LAG3: variants seen among roughly 807,000 people sequenced by gnomAD.
LAG3 encodes lymphocyte activation gene 3 protein.
A neutral mutation model predicts 49.0 loss-of-function variants in LAG3; 29 were observed. The observed-to-expected ratio is 0.59, with a 90% CI of 0.44 to 0.81. LAG3 has a LOEUF of 0.81. Ranked by LOEUF, LAG3 falls within the 30% of genes least tolerant of loss-of-function variation. LAG3 has a pLI of 0.00. For synonymous variants in LAG3, 320 were observed against 297.3 expected, an observed-to-expected ratio of 1.08 and a Z score of -0.79; for missense variants, 693 against 695.2, an observed-to-expected ratio of 1.00 and a Z score of 0.04.
intron 5 of LAG3, among the ~76,000 whole-genome samples, chr12:6,777,022 A>G (rs1028278703): frequency 6.6e-6 from 1 of 152,180 alleles, no homozygotes; most frequent in African/African-American, 2.4e-5. Flanking sequence ...CGAGAGGAGC[A>G]CTTGAGTCCA....
chr12:6,774,066 C>T, intron 3 of LAG3, 65 bp downstream of exon 3: 1 of 1,368,976 alleles, frequency 7.3e-7, no homozygotes, highest in South Asian at 1.7e-5. Flanking sequence ...CCTCCCGGGA[C>T]GCAGGAAGGG....
Position 6,777,405 on chromosome 12 carries a change from C to A in LAG3, c.1199C>A (p.Ala400Glu). 2 of 1,614,216 alleles carry A rather than the reference C, an allele frequency of 1.2e-6. No individual in the cohort carries two copies. Among genetic ancestry groups the A allele is most frequent in the Non-Finnish European group, 1.7e-6 (2 of 1,180,034 alleles). Residue 400 changes from alanine (A) to glutamate (E), a missense_variant, in exon 6 of 8, where the codon GCA becomes GAA. Transcript: ENST00000203629. Reference protein sequence around the residue: ...QRSFSGPWLEAQEAQLLSQPW... With the variant: ...QRSFSGPWLEEQEAQLLSQPW... ...AGTTTCTCAGGACCTTGGCTGGAGG[C>A]ACAGGAGGCCCAGCTCCTTTCCCAG...
At chr12:6,775,196 C>A in intron 4 of LAG3, 77 bp from the exon 5 acceptor site, 2 of 1,460,004 alleles carry the variant, frequency 1.4e-6, no homozygotes, top group Admixed American at 1.9e-5. Context: ...ATTCTTCTGC[C>A]TCCCTTCCTT....
chr12:6,776,913 G>C (rs930687206), intron 5 of LAG3, among the ~76,000 whole-genome samples: 1 of 152,192 alleles, frequency 6.6e-6, no homozygotes, highest in African/African-American at 2.4e-5. Flanking sequence ...GTTTTGAGCA[G>C]GGGAGGGAGC....
In LAG3 at chr12:6,773,807, C is replaced by T. The variant is rs1240278085; in HGVS notation, c.317C>T (p.Pro106Leu). The T allele has an allele frequency of 1.4e-6, 2 of 1,399,548 alleles. No individual in the cohort carries two copies. Among genetic ancestry groups the T allele is most frequent in the Non-Finnish European group, 9.2e-7 (1 of 1,082,506 alleles). 86.7% of individuals were successfully genotyped at this position (1,399,548 alleles called of 1,614,324 possible). A position where few individuals can be genotyped will look rare whatever the true frequency, so the allele number is the denominator to read the frequency against. The change falls in exon 3 of 8, where the codon CCC becomes CTC. Residue 106 changes from proline to leucine, a missense_variant. Coordinates refer to ENST00000203629, the MANE Select transcript of LAG3 (RefSeq NM_002286.6). The surrounding 1 kb of genome is among the most constrained non-coding windows in gnomAD (Gnocchi z 5.5). ...PRRYTVLSVGPGGLRSGRLPL... is the reference protein window; with the variant it reads ...PRRYTVLSVGLGGLRSGRLPL... ...CGCTACACGGTGCTGAGCGTGGGTCCCGGAGGCCTGCGCAGCGGGAGGCTG... is the reference window on the plus strand; with the variant it reads ...CGCTACACGGTGCTGAGCGTGGGTCTCGGAGGCCTGCGCAGCGGGAGGCTG...
intron 5 of LAG3, 178 bp downstream of exon 5, chr12:6,775,726 A>C: frequency 1.6e-6 from 1 of 616,026 alleles, no homozygotes; most frequent in Non-Finnish European, 2.8e-6. Context: ...AAGAAACGAA[A>C]CTGAAAATCT....
Position 6,774,672 on chromosome 12 carries a change from C to T in LAG3, c.589C>T (p.Pro197Ser), listed in dbSNP as rs762771664. The T allele has an allele frequency of 2.5e-6, 4 of 1,614,206 alleles. No homozygotes were observed. The highest frequency in any genetic ancestry group is 1.1e-5 in the South Asian group (1 of 91,086). ...CTGCTCCTTCAGCCGCCCTGACCGC[C>T]CAGCCTCTGTGCATTGGTTCCGGAA... ...LNCSFSRPDR[P>S]ASVHWFRNRG... The change falls in exon 4 of 8, where the codon CCA becomes TCA. Residue 197 changes from proline to serine, a missense_variant. Pro to Ser is a moderately conservative substitution (Grantham distance 74). Transcript: ENST00000203629.
rs778605598 is a variant in LAG3 at position 6,773,280 on chromosome 12, C to T, written c.147C>T (p.Pro49=). 6.2e-7 allele frequency: 1 copy of T among 1,613,822 alleles called. No individual in the cohort carries two copies. The highest frequency in any genetic ancestry group is 1.3e-5 in the African/African-American group (1 of 74,926). Residue 49 remains proline, a synonymous_variant, in exon 2 of 8, where the codon CCC becomes CCT. Transcript: ENST00000203629. The surrounding 1 kb of genome is among the most constrained non-coding windows in gnomAD (Gnocchi z 5.5). The part of the protein sequence containing the change: ...PAQLPCSPTI[P]LQDLSLLRRA... ...AGCTCCCCTGCAGCCCCACAATCCC[C>T]CTCCAGGATCTCAGCCTTCTGCGAA...
In LAG3 at chr12:6,773,085, A is replaced by G; in HGVS notation, c.59-107A>G. 1.4e-6 allele frequency: 2 copies of G among 1,448,194 alleles called. No homozygotes were observed. The highest frequency in any genetic ancestry group is 1.3e-5 in the South Asian group (1 of 76,840). The allele number at this position is 1,448,194 out of a possible 1,614,324, so 89.7% of individuals were successfully genotyped here. A position where few individuals can be genotyped will look rare whatever the true frequency, so the allele number is the denominator to read the frequency against. ...TGGGCAGAGAAGAAACAGAAACCCAAGTTCTTCCTGCACCCTGTTTCTCCC... is the reference window on the plus strand; with the variant it reads ...TGGGCAGAGAAGAAACAGAAACCCAGGTTCTTCCTGCACCCTGTTTCTCCC... On this transcript the variant is annotated intron_variant, in intron 1 of 7. Coordinates refer to ENST00000203629, the MANE Select transcript of LAG3 (RefSeq NM_002286.6). The surrounding 1 kb of genome is among the most constrained non-coding windows in gnomAD (Gnocchi z 5.5).
At chr12:6,775,222 C>T in intron 4 of LAG3, 51 bp from the exon 5 acceptor site, 1 of 1,573,800 alleles carries the variant, frequency 6.4e-7, no homozygotes, top group Non-Finnish European at 8.6e-7. Context: ...CCCAGCACTC[C>T]CTCCCCACTG....
chr12:6,777,649 G>A (rs756817830), intron 6 of LAG3, 142 bp from the exon 7 acceptor site: 10 of 1,450,416 alleles, frequency 6.9e-6, no homozygotes, highest in African/African-American at 4.3e-5. Flanking sequence ...GGGTTGACCC[G>A]TTTCCGCCAC....
Position 6,773,420 on chromosome 12 carries a change from C to G in LAG3, c.206+81C>G, listed in dbSNP as rs1592495266. On this transcript the variant is annotated intron_variant, in intron 2 of 7. Coordinates refer to ENST00000203629, the MANE Select transcript of LAG3 (RefSeq NM_002286.6). The surrounding 1 kb of genome is among the most constrained non-coding windows in gnomAD (Gnocchi z 5.5). ...CCCGTGCCGGTCCTCTGTCCCCTGC[C>G]CTGAGGTGTCACTCCCTCTGAAGCC... 1 of 1,508,930 alleles carries G rather than the reference C, an allele frequency of 6.6e-7. No individual in the cohort carries two copies. Among genetic ancestry groups the G allele is most frequent in the African/African-American group, 1.4e-5 (1 of 71,908 alleles). The allele number at this position is 1,508,930 out of a possible 1,614,324, so 93.5% of individuals were successfully genotyped here. A position where few individuals can be genotyped will look rare whatever the true frequency, so the allele number is the denominator to read the frequency against.
chr12:6,777,043 A>T (rs1339625661), intron 5 of LAG3, among the ~76,000 whole-genome samples: 1 of 152,290 alleles, frequency 6.6e-6, no homozygotes, highest in African/African-American at 2.4e-5. Context: ...GGAATTCCAG[A>T]CTAGCCTGGG....
chr12:6,772,748 C>T lies in LAG3; in HGVS notation c.-105C>T. 1.1e-6 allele frequency: 1 copy of T among 883,164 alleles called. No homozygotes were observed. Among genetic ancestry groups the T allele is most frequent in the Non-Finnish European group, 1.8e-6 (1 of 566,516 alleles). 54.7% of individuals were successfully genotyped at this position (883,164 alleles called of 1,614,324 possible). On this transcript the variant is annotated 5_prime_UTR_variant, in exon 1 of 8. Transcript: ENST00000203629. ...TCTTCTAGAACCCCTTCCTCCACCT[C>T]CCTCTCTGCAGAACTTCTCCTTTAC...
rs1047143727 is a variant in LAG3, at chr12:6,775,620, C to T, written c.1057+72C>T. On this transcript the variant is annotated intron_variant, in intron 5 of 7. Coordinates refer to ENST00000203629, the MANE Select transcript of LAG3 (RefSeq NM_002286.6). ...GGACAGGGAGGAAGGGCTGGCAGGG[C>T]AAAGACTAGGCAAACCCACCCTGTG... 3 of 1,505,132 alleles carry T rather than the reference C, an allele frequency of 2.0e-6. No individual in the cohort carries two copies. In the African/African-American group the frequency reaches 4.1e-5, roughly 21 times the overall value. 93.2% of individuals were successfully genotyped at this position (1,505,132 alleles called of 1,614,324 possible).
chr12:6,772,997 C>T, intron 1 of LAG3, 87 bp downstream of exon 1: 1 of 1,470,886 alleles, frequency 6.8e-7, no homozygotes, highest in Non-Finnish European at 9.5e-7. Flanking sequence ...GTCCTGAGGT[C>T]CTTAGCTCTG....
chr12:6,775,850 C>A, intron 5 of LAG3: 2 of 359,406 alleles, frequency 5.6e-6, no homozygotes, highest in South Asian at 3.7e-5. Context: ...CTGAATGGTT[C>A]GAAAGAGGTA....
chr12:6,774,133 AG>A, intron 3 of LAG3, 132 bp downstream of exon 3: 1 of 1,304,822 alleles, frequency 7.7e-7, no homozygotes, highest in Non-Finnish European at 9.8e-7. Flanking sequence ...GAGTAGAGGA[AG>A]GGGGTGGGCG....
rs780275933 is a variant in LAG3, at chr12:6,774,604, G to A, written c.521G>A (p.Ser174Asn). 12 of 1,613,330 alleles carry A rather than the reference G, an allele frequency of 7.4e-6. No homozygotes were observed. In the African/African-American group the frequency reaches 1.1e-4, roughly 14 times the overall value. ...CTTTATCCTTGCACAGTGACTGCCA[G>A]CCCCCCAGGATCTCTCAGAGCCTCC... ...LRLGQASMTA[S>N]PPGSLRASDW... The change falls in exon 4 of 8, where the codon AGC becomes AAC. Residue 174 changes from serine (S) to asparagine (N), a missense_variant. Physicochemically the swap from Ser to Asn is conservative, Grantham distance 46. Coordinates refer to ENST00000203629, the MANE Select transcript of LAG3 (RefSeq NM_002286.6).
Sources: gnomAD v4.1 joint callset for allele counts (sites outside exome capture counted in the v4.1 genomes callset) on GRCh38, gnomAD v4.1.1 for gene constraint, Gnocchi (gnomAD v3.1) non-coding constraint, MANE v1.5 for transcripts, NCBI Gene and HGNC (gene_info 2026-07-23, HGNC 2026-07-21) for gene names.